The following KCNH3 variants were observed in gnomAD, a reference collection of about 807,000 sequenced individuals.
KCNH3 encodes the protein potassium voltage-gated channel subfamily H member 3, also known as voltage-gated inwardly rectifying potassium channel KCNH3.
In KCNH3, 36 loss-of-function variants were observed where a neutral mutation model predicts 95.6. That is an observed-to-expected ratio of 0.38 (90% CI 0.29 to 0.50). KCNH3 has a LOEUF of 0.50. Among genes scored for constraint, KCNH3 ranks in the 20% least tolerant of loss-of-function variants. The pLI, the probability that KCNH3 is intolerant of heterozygous loss-of-function variation, is 0.95. For missense variants in KCNH3, 1,030 were observed against 1,484.1 expected, an observed-to-expected ratio of 0.69 and a Z score of 5.03; for synonymous variants, 620 against 646.3, an observed-to-expected ratio of 0.96 and a Z score of 0.62.
At chr12:49,540,241 C>G (rs566315546) in intron 1 of KCNH3, among the ~76,000 whole-genome samples, 2 of 152,318 alleles carry the variant, frequency 1.3e-5, no homozygotes, top group South Asian at 4.1e-4. Context: ...GCGCTCTCCC[C>G]ACTCCGGGCT....
intron 10 of KCNH3, among the ~76,000 whole-genome samples, chr12:49,551,574 C>CAAAAA (rs59344956): frequency 0.019 from 984 of 51,124 alleles, no homozygotes; most frequent in Non-Finnish European, 0.03. Flanking sequence ...GACTCTGTCT[C>CAAAAA]AAAAAAAAAA....
chr12:49,544,145 T>TTCCAAACC, intron 6 of KCNH3, 30 bp from the exon 7 acceptor site: 2 of 818,372 alleles, frequency 2.4e-6, no homozygotes, highest in Non-Finnish European at 3.9e-6. Flanking sequence ...CTGACCTCCC[T>TTCCAAACC]CCCTCCCTCC....
rs780334620 is a variant in KCNH3 at position 49,543,265 on chromosome 12, C to T, written c.580-10C>T. On this transcript the variant is annotated splice_polypyrimidine_tract_variant and intron_variant, in intron 4 of 14. Transcript: ENST00000257981. ...TTCCTCTCTGCCTGGACCTGCCCTGCCTCACTCAGGGGGTGTTTGGGGAGA... is the reference window on the plus strand; with the variant it reads ...TTCCTCTCTGCCTGGACCTGCCCTGTCTCACTCAGGGGGTGTTTGGGGAGA... 5.6e-6 allele frequency: 9 copies of T among 1,612,820 alleles called. No homozygotes were observed. The highest frequency in any genetic ancestry group is 7.6e-6 in the Non-Finnish European group (9 of 1,179,822).
At chr12:49,554,944 AAACAGGATTGTTCTG>A (rs1472194877) in intron 11 of KCNH3, among the ~76,000 whole-genome samples, 1 of 152,128 alleles carries the variant, frequency 6.6e-6, no homozygotes, top group Non-Finnish European at 1.5e-5. Context: ...TTTCATGGTG[AAACAGGATTGTTCTG>A]AGGGGCTTTT....
At chr12:49,550,038 G>T in intron 9 of KCNH3, 42 bp from the exon 10 acceptor site, 1 of 1,523,626 alleles carries the variant, frequency 6.6e-7, no homozygotes, top group Non-Finnish European at 8.8e-7. Flanking sequence ...CTCCTCTTCT[G>T]CCACTCCCAA....
chr12:49,541,789 C>CG, intron 3 of KCNH3, 25 bp downstream of exon 3: 1 of 1,612,986 alleles, frequency 6.2e-7, no homozygotes, highest in Non-Finnish European at 8.5e-7. Context: ...GTGCTGTGGT[C>CG]GGGGTATTGG....
intron 10 of KCNH3, among the ~76,000 whole-genome samples, chr12:49,551,957 A>T (rs1341935655): frequency 6.6e-6 from 1 of 152,224 alleles, no homozygotes; most frequent in Non-Finnish European, 1.5e-5. Flanking sequence ...GAGGAAAAAA[A>T]TGCCATCGGG....
chr12:49,543,458 AG>A lies in KCNH3; in HGVS notation c.764del (p.Ser255MetfsTer24). On this transcript the variant is annotated frameshift_variant, in exon 5 of 15. Coordinates refer to ENST00000257981, the MANE Select transcript of KCNH3 (RefSeq NM_012284.3). LOFTEE classifies it high-confidence loss of function. ...SVCVSTAREP[S>X]AARGPPSVCD... ...GTGTGTGAGCACAGCACGGGAGCCC[AG>A]TGCCGCCCGCGGCCCGCCCAGCGTC... is the stretch of plus-strand genomic sequence containing the variant. 6.2e-7 allele frequency: 1 copy of A among 1,603,276 alleles called. No homozygotes were observed. The highest frequency in any genetic ancestry group is 8.5e-7 in the Non-Finnish European group (1 of 1,179,472).
rs372761198 is a variant in KCNH3 at position 49,556,384 on chromosome 12, T to C, written c.2483T>C (p.Ile828Thr). 9.9e-6 allele frequency: 16 copies of C among 1,613,522 alleles called. No individual in the cohort carries two copies. Among genetic ancestry groups the C allele is most frequent in the Admixed American group, 5.0e-5 (3 of 60,016 alleles). ...PDLSPRVVDG[I>T]EDGCGSDQPK... ...TGGGTTCACAGGGTAGTAGATGGCA[T>C]TGAAGACGGCTGTGGCTCGGACCAG... Residue 828 changes from isoleucine (I) to threonine (T), a missense_variant, in exon 13 of 15, where the codon ATT becomes ACT. By Grantham distance (89) the Ile-to-Thr change is moderately conservative. Transcript: ENST00000257981.
intron 3 of KCNH3, among the ~76,000 whole-genome samples, chr12:49,542,373 C>T (rs904934805): frequency 2.0e-5 from 3 of 152,344 alleles, no homozygotes; most frequent in East Asian, 1.9e-4. Context: ...CCTCTGCTGA[C>T]GGCCTCCTGC....
rs558683094 is a variant in KCNH3 at position 49,543,933 on chromosome 12, G to A, written c.842G>A (p.Arg281His). The change falls in exon 6 of 15, where the codon CGT becomes CAT. Residue 281 changes from arginine to histidine, a missense_variant. Arg to His is a conservative substitution (Grantham distance 29, BLOSUM62 0). This residue lies in a region of KCNH3 where 153 missense variants were observed against 288.5 expected (regional missense o/e 0.53). Transcript: ENST00000257981. ...CCCACAGACATTGTGCTGAATTTCC[G>A]TACCACATTCGTGTCCAAGTCGGGC... The part of the protein sequence containing the change: ...LFILDIVLNF[R>H]TTFVSKSGQV... 11 of 1,609,890 alleles carry A rather than the reference G, an allele frequency of 6.8e-6. No homozygotes were observed. Among genetic ancestry groups the A allele is most frequent in the African/African-American group, 1.3e-5 (1 of 74,992 alleles).
intron 10 of KCNH3, among the ~76,000 whole-genome samples, chr12:49,551,281 A>G (rs556243093): frequency 1.3e-4 from 20 of 152,292 alleles, no homozygotes; most frequent in African/African-American, 4.8e-4. Context: ...GTGTCTGTGA[A>G]AAGCCACTAA....
intron 7 of KCNH3, among the ~76,000 whole-genome samples, 167 bp downstream of exon 7, chr12:49,544,549 G>A (rs913673068): frequency 6.6e-5 from 10 of 152,152 alleles, no homozygotes; most frequent in East Asian, 1.9e-4. Context: ...ACCACGTGAC[G>A]GGCCTGTTCT....
chr12:49,550,233 T>C lies in KCNH3; in HGVS notation c.1822T>C (p.Tyr608His). 1 of 1,609,534 alleles carries C rather than the reference T, an allele frequency of 6.2e-7. No homozygotes were observed. The highest frequency in any genetic ancestry group is 1.7e-5 in the Admixed American group (1 of 60,022). Residue 608 changes from tyrosine (Y) to histidine (H), a missense_variant, in exon 10 of 15, where the codon TAC (tyrosine) becomes CAC (histidine). Tyr to His is a moderately conservative substitution (Grantham distance 83). Coordinates refer to ENST00000257981, the MANE Select transcript of KCNH3 (RefSeq NM_012284.3). ...LRPAFCTPGE[Y>H]LIHQGDALQA... The stretch of plus-strand genomic sequence containing the variant: ...GCCCGCCTTCTGCACGCCGGGCGAG[T>C]ACCTCATCCACCAAGGCGATGCCCT...
rs760595801 is a variant in KCNH3, at chr12:49,544,360, C to T, written c.1167C>T (p.Ser389=). 34 of 1,613,212 alleles carry T rather than the reference C, an allele frequency of 2.1e-5. No individual in the cohort carries two copies. The East Asian group carries it at 2.2e-4, about 11-fold the overall frequency. ...TTGGCCAGCGGGAGATCGAGAGCAG[C>T]GAATCCGAGCTGCCTGAGATTGGTA... The part of the protein sequence containing the change: ...FYIGQREIES[S]ESELPEIGWL... Residue 389 remains serine (S), a synonymous_variant, in exon 7 of 15, where the codon AGC becomes AGT. Coordinates refer to ENST00000257981, the MANE Select transcript of KCNH3 (RefSeq NM_012284.3).
chr12:49,556,326 G>C (rs1351030817), intron 12 of KCNH3, 44 bp from the exon 13 acceptor site: 1 of 1,436,360 alleles, frequency 7.0e-7, no homozygotes, highest in South Asian at 1.1e-5. Context: ...CCCCACAGTG[G>C]CTGCCTGTCC....
chr12:49,545,166 C>T (rs1938017116), intron 7 of KCNH3, among the ~76,000 whole-genome samples: 1 of 152,110 alleles, frequency 6.6e-6, no homozygotes, highest in Non-Finnish European at 1.5e-5. Flanking sequence ...CCAGGGTCTC[C>T]AGACCTTTCC....
At chr12:49,551,679 C>T (rs181527237) in intron 10 of KCNH3, among the ~76,000 whole-genome samples, 18 of 151,930 alleles carry the variant, frequency 1.2e-4, no homozygotes, top group African/African-American at 3.1e-4. Context: ...AACATGTGAC[C>T]GGTGTGGGTA....
At chr12:49,552,825 T>C (rs1938309629) in intron 10 of KCNH3, among the ~76,000 whole-genome samples, 1 of 152,208 alleles carries the variant, frequency 6.6e-6, no homozygotes, top group East Asian at 1.9e-4. Context: ...AGAGAGCACA[T>C]TCCCCAGATG....
Sources: allele counts gnomAD v4.1 joint callset (sites outside exome capture counted in the v4.1 genomes callset), GRCh38; gene constraint gnomAD v4.1.1; regional missense constraint gnomAD v4.1.1; transcripts MANE v1.5; gene names NCBI Gene and HGNC (gene_info 2026-07-23, HGNC 2026-07-21).